Variants in GRID2 observed in about 807,000 individuals in gnomAD.
The protein encoded by GRID2 is glutamate ionotropic receptor delta type subunit 2, also known as glutamate receptor ionotropic, delta-2.
In GRID2, 33 loss-of-function variants were observed where a neutral mutation model predicts 114.8. The observed-to-expected ratio is 0.29, with a 90% CI of 0.22 to 0.38. The LOEUF is 0.38. GRID2 is among the 10% of genes least tolerant of loss of function. GRID2 has a pLI of 1.00. For synonymous variants in GRID2, 505 were observed against 449.9 expected, an observed-to-expected ratio of 1.12 and a Z score of -1.55; for missense variants, 1,184 against 1,257.7, an observed-to-expected ratio of 0.94 and a Z score of 0.89.
chr4:92,538,436 G>A (rs1447027292), intron 1 of GRID2, among the ~76,000 whole-genome samples: 1 of 152,126 alleles, frequency 6.6e-6, no homozygotes, highest in African/African-American at 2.4e-5. Flanking sequence ...TGTGCTCAGT[G>A]TTTTTATTAG....
At chr4:92,836,228 T>C (rs1742449051) in intron 2 of GRID2, among the ~76,000 whole-genome samples, 1 of 152,276 alleles carries the variant, frequency 6.6e-6, no homozygotes, top group East Asian at 1.9e-4. Context: ...ACAGAAAATG[T>C]TTGCTGGCTT....
At position 93,422,922 on chromosome 4, in the gene GRID2, A is replaced by G; in HGVS notation, c.1499A>G (p.Gln500Arg). The change falls in exon 10 of 16, where the codon CAA becomes CGA. Residue 500 changes from glutamine (Q) to arginine (R), a missense_variant. Around this residue, in one of 3 missense-constraint regions of GRID2, gnomAD observed 717 missense variants for 796.9 expected, o/e 0.90. Transcript: ENST00000282020. The part of the protein sequence containing the change: ...VAPDHKYGSP[Q>R]EDGTWNGLVG... ...CCGGATCACAAATACGGAAGCCCAC[A>G]AGAAGATGGGACATGGAATGGCTTG... 6.2e-7 allele frequency: 1 copy of G among 1,613,872 alleles called. No homozygotes were observed. The highest frequency in any genetic ancestry group is 1.7e-5 in the Admixed American group (1 of 60,014).
chr4:93,324,497 C>CT (rs966848190), intron 8 of GRID2, among the ~76,000 whole-genome samples: 13 of 152,192 alleles, frequency 8.5e-5, no homozygotes, highest in South Asian at 2.1e-4. Flanking sequence ...CTAAAAGTCT[C>CT]TTTTTTTGTT....
intron 13 of GRID2, among the ~76,000 whole-genome samples, chr4:93,582,821 C>G (rs1170617293): frequency 2.6e-5 from 4 of 152,026 alleles, no homozygotes; most frequent in African/African-American, 9.7e-5. Flanking sequence ...AACAAAGCCC[C>G]TTCAATAGAA....
chr4:93,355,575 C>T (rs1377607564), intron 8 of GRID2, among the ~76,000 whole-genome samples: 1 of 152,038 alleles, frequency 6.6e-6, no homozygotes, highest in Non-Finnish European at 1.5e-5. Flanking sequence ...ATCATTTCTG[C>T]TATGTCCTCT....
intron 1 of GRID2, among the ~76,000 whole-genome samples, chr4:92,458,043 A>G (rs1315790201): frequency 6.6e-6 from 1 of 152,216 alleles, no homozygotes; most frequent in East Asian, 1.9e-4. Context: ...TGCATTTAGA[A>G]TAGCATGAAG....
chr4:93,464,346 C>T (rs1325904192), intron 11 of GRID2, among the ~76,000 whole-genome samples: 1 of 152,068 alleles, frequency 6.6e-6, no homozygotes, highest in African/African-American at 2.4e-5. Flanking sequence ...TTTTTTAAAG[C>T]ATGGGAAACT....
At chr4:93,239,977 G>A (rs184456177) in intron 8 of GRID2, among the ~76,000 whole-genome samples, 1 of 151,666 alleles carries the variant, frequency 6.6e-6, no homozygotes, top group Admixed American at 6.6e-5. Context: ...GTTGTTACAT[G>A]GAGTGGCAGT....
At chr4:93,548,488 A>G (rs1733447402) in intron 13 of GRID2, among the ~76,000 whole-genome samples, 1 of 152,202 alleles carries the variant, frequency 6.6e-6, no homozygotes, top group South Asian at 2.1e-4. Context: ...AGATAGAGTC[A>G]GATATAGCAG....
chr4:93,001,699 A>G (rs1721004136), intron 2 of GRID2, among the ~76,000 whole-genome samples: 1 of 151,670 alleles, frequency 6.6e-6, no homozygotes, highest in African/African-American at 2.4e-5. Flanking sequence ...GAGGGAAGCA[A>G]ATGTTTACAG....
chr4:92,793,538 C>T (rs1179508275), intron 2 of GRID2, among the ~76,000 whole-genome samples: 1 of 148,348 alleles, frequency 6.7e-6, no homozygotes, highest in Non-Finnish European at 1.5e-5. Flanking sequence ...TACCCCTGAA[C>T]ATAAAATAAA....
Position 93,706,823 on chromosome 4 carries a change from A to C in GRID2, c.2361-62387A>C, listed in dbSNP as rs1195119118. Among the ~76,000 whole-genome samples the C allele has an allele frequency of 2.0e-5, 3 of 152,216 alleles. No homozygotes were observed. The East Asian group carries it at 5.8e-4, about 29-fold the overall frequency. ...TAGAGGAAAGACTTTCAGTTTTCCC[A>C]TTCAGTATAATATTAGCTGTAGGTT... On this transcript the variant is annotated intron_variant, in intron 14 of 15. Coordinates refer to ENST00000282020, the MANE Select transcript of GRID2 (RefSeq NM_001510.4).
intron 2 of GRID2, among the ~76,000 whole-genome samples, chr4:92,993,235 C>A (rs1755010606): frequency 6.7e-6 from 1 of 148,738 alleles, no homozygotes; most frequent in South Asian, 2.2e-4. Context: ...GTATAAAATT[C>A]ATTTGGCTAT....
chr4:93,735,380 T>A (rs1730839700), intron 14 of GRID2, among the ~76,000 whole-genome samples: 1 of 152,064 alleles, frequency 6.6e-6, no homozygotes, highest in South Asian at 2.1e-4. Flanking sequence ...GAAAGTTTTA[T>A]GTATACAACC....
chr4:93,197,485 G>GT (rs1741615378), intron 4 of GRID2, among the ~76,000 whole-genome samples: 1 of 152,076 alleles, frequency 6.6e-6, no homozygotes, highest in Admixed American at 6.6e-5. Flanking sequence ...GTCATACATA[G>GT]TAAGCACTCA....
intron 2 of GRID2, among the ~76,000 whole-genome samples, chr4:92,693,753 A>T (rs1734295909): frequency 6.6e-6 from 1 of 152,252 alleles, no homozygotes. Context: ...CATATTTTTC[A>T]AATCAATTTC....
chr4:92,376,788 G>A (rs183465763), intron 1 of GRID2, among the ~76,000 whole-genome samples: 2 of 152,254 alleles, frequency 1.3e-5, no homozygotes, highest in East Asian at 1.9e-4. Flanking sequence ...AGCTGCCAAC[G>A]CTTGGGGCTT....
intron 14 of GRID2, among the ~76,000 whole-genome samples, chr4:93,765,613 T>TA (rs1293649888): frequency 2.0e-4 from 24 of 118,922 alleles, no homozygotes; most frequent in African/African-American, 1.1e-3. Flanking sequence ...AGGTATTATA[T>TA]ATATATATAT....
chr4:93,551,994 A>G (rs1339365884), intron 13 of GRID2, among the ~76,000 whole-genome samples: 1 of 151,394 alleles, frequency 6.6e-6, no homozygotes, highest in East Asian at 2.0e-4. Flanking sequence ...CTCTTCATTT[A>G]ACATTAGGTA....
Sources: allele counts gnomAD v4.1 joint callset (sites outside exome capture counted in the v4.1 genomes callset), GRCh38; gene constraint gnomAD v4.1.1; regional missense constraint gnomAD v4.1.1; transcripts MANE v1.5; gene names NCBI Gene and HGNC (gene_info 2026-07-23, HGNC 2026-07-21).